Variants in CDH18 observed in about 807,000 individuals in gnomAD.
CDH18 encodes the protein cadherin 18.
CDH18 carries 31 observed loss-of-function variants against 67.9 expected under a neutral mutation model. The ratio of observed to expected loss-of-function variants is 0.46; its 90% CI spans 0.34 to 0.62. CDH18 has a LOEUF of 0.62. Among genes scored for constraint, CDH18 ranks in the 20% least tolerant of loss-of-function variants. The pLI is 0.01. For synonymous variants in CDH18, 362 were observed against 347.2 expected (o/e 1.04, Z -0.48); for missense variants, 890 against 975.5 (o/e 0.91, Z 1.17).
rs575494760 is a variant in CDH18 at position 19,476,171 on chromosome 5, T to C, written c.1883-2455A>G. Among the ~76,000 whole-genome samples the C allele has an allele frequency of 2.0e-5, 3 of 152,026 alleles. No individual in the cohort carries two copies. The South Asian group carries it at 6.2e-4, about 32-fold the overall frequency. Reference sequence around the variant, plus strand: ...ACCAAAAAGACAGGAAAAAAACATCTGTAGAGAAAGTCATAGAACCATCCA... The same window carrying C: ...ACCAAAAAGACAGGAAAAAAACATCCGTAGAGAAAGTCATAGAACCATCCA... On this transcript the variant is annotated intron_variant, in intron 12 of 12. Coordinates refer to ENST00000382275, the MANE Select transcript of CDH18 (RefSeq NM_004934.5).
chr5:20,339,980 G>A (rs1740119482), intron 1 of CDH18, among the ~76,000 whole-genome samples: 1 of 152,134 alleles, frequency 6.6e-6, no homozygotes, highest in Admixed American at 6.6e-5. Context: ...GGGTAGCAGT[G>A]CCCTTGGAGG....
chr5:19,730,903 T>A (rs1467932820), intron 4 of CDH18, among the ~76,000 whole-genome samples: 2 of 152,162 alleles, frequency 1.3e-5, no homozygotes, highest in Non-Finnish European at 2.9e-5. Context: ...TACTATATAT[T>A]TTTTAGGAGA....
chr5:19,514,898 G>C (rs1395132482), intron 10 of CDH18, among the ~76,000 whole-genome samples: 1 of 152,132 alleles, frequency 6.6e-6, no homozygotes, highest in African/African-American at 2.4e-5. Context: ...TGCTTTTGGT[G>C]TTTTAGTCAT....
chr5:19,625,041 GA>G (rs397883821), intron 5 of CDH18, among the ~76,000 whole-genome samples: 8,691 of 135,376 alleles, frequency 0.064, 667 homozygotes, highest in African/African-American at 0.19. Context: ...GCAGATTAGT[GA>G]AAAAAAAAAA....
chr5:19,680,975 T>C (rs1760220902), intron 5 of CDH18, among the ~76,000 whole-genome samples: 1 of 151,986 alleles, frequency 6.6e-6, no homozygotes, highest in African/African-American at 2.4e-5. Context: ...ATGTTCATCA[T>C]AGCACTATTT....
intron 2 of CDH18, among the ~76,000 whole-genome samples, chr5:20,020,967 C>T (rs924668988): frequency 6.6e-6 from 1 of 151,766 alleles, no homozygotes; most frequent in African/African-American, 2.4e-5. Flanking sequence ...AGCCAAGGGA[C>T]TTGAGCCTTG....
In CDH18 at chr5:19,486,138, G is replaced by T. The variant is rs1401842518; in HGVS notation, c.1631-2586C>A. ...AGGCAAGAGCTTCCCACCTAGAAAG[G>T]CTTAGCACAGCAGAATAATGAACTC... On this transcript the variant is annotated intron_variant, in intron 11 of 12. Coordinates refer to ENST00000382275, the MANE Select transcript of CDH18 (RefSeq NM_004934.5). 3.9e-5 allele frequency among the ~76,000 whole-genome samples: 6 copies of T among 151,976 alleles called. No individual in the cohort carries two copies. The East Asian group carries it at 1.2e-3, about 30-fold the overall frequency.
At chr5:20,022,895 G>A (rs1255269651) in intron 2 of CDH18, among the ~76,000 whole-genome samples, 3 of 152,226 alleles carry the variant, frequency 2.0e-5, no homozygotes, top group African/African-American at 7.2e-5. Flanking sequence ...CTACCTTCCT[G>A]CATTTTTATA....
chr5:20,335,215 ACTT>A (rs1033851797), intron 1 of CDH18, among the ~76,000 whole-genome samples: 48 of 151,976 alleles, frequency 3.2e-4, no homozygotes, highest in Admixed American at 8.5e-4. Flanking sequence ...AGCAAGGTGG[ACTT>A]CTTCTTGTTT....
At chr5:20,121,924 C>A (rs1245201280) in intron 2 of CDH18, among the ~76,000 whole-genome samples, 1 of 152,146 alleles carries the variant, frequency 6.6e-6, no homozygotes, top group Non-Finnish European at 1.5e-5. Context: ...ACTATCATGG[C>A]ATAAACTCTA....
intron 2 of CDH18, among the ~76,000 whole-genome samples, chr5:19,897,189 A>G (rs111784706): frequency 2.0e-5 from 3 of 152,278 alleles, no homozygotes; most frequent in African/African-American, 7.2e-5. Flanking sequence ...TACAATTTAT[A>G]TGACAAATTC....
At chr5:20,224,717 T>G (rs1188694947) in intron 2 of CDH18, among the ~76,000 whole-genome samples, 1 of 152,120 alleles carries the variant, frequency 6.6e-6, no homozygotes, top group Non-Finnish European at 1.5e-5. Flanking sequence ...TTTACAGACA[T>G]GACAAGTGCT....
chr5:19,807,863 A>G (rs1288485781), intron 3 of CDH18, among the ~76,000 whole-genome samples: 5 of 151,990 alleles, frequency 3.3e-5, no homozygotes, highest in Non-Finnish European at 7.4e-5. Flanking sequence ...TTGAATATTT[A>G]TTTGTGTGAA....
At chr5:20,260,202 G>C (rs1424949815) in intron 1 of CDH18, among the ~76,000 whole-genome samples, 1 of 151,336 alleles carries the variant, frequency 6.6e-6, no homozygotes, top group Admixed American at 6.6e-5. Flanking sequence ...CAACACTTCT[G>C]AAATGCTGGA....
chr5:19,637,449 C>A (rs1383152998), intron 5 of CDH18, among the ~76,000 whole-genome samples: 1 of 152,102 alleles, frequency 6.6e-6, no homozygotes, highest in African/African-American at 2.4e-5. Context: ...CTAATTGCAC[C>A]TTTTATTTCG....
intron 2 of CDH18, among the ~76,000 whole-genome samples, chr5:19,859,989 G>GTGTGTGTGTGTGT (rs1784707651): frequency 2.8e-5 from 4 of 143,148 alleles, no homozygotes; most frequent in African/African-American, 5.2e-5. Flanking sequence ...GTTTGCTTTG[G>GTGTGTGTGTGTGT]GTGTGTGTGT....
upstream of CDH18, among the ~76,000 whole-genome samples, chr5:19,989,429 T>C (rs1337845271): frequency 2.6e-5 from 4 of 152,190 alleles, no homozygotes; most frequent in Admixed American, 2.6e-4. Flanking sequence ...AAATCACGGC[T>C]GGGACATACC....
intron 9 of CDH18, among the ~76,000 whole-genome samples, chr5:19,536,629 T>C (rs1749462955): frequency 6.6e-6 from 1 of 152,188 alleles, no homozygotes; most frequent in African/African-American, 2.4e-5. Context: ...GAAACAATGT[T>C]TCTTAACCTT....
intron 2 of CDH18, among the ~76,000 whole-genome samples, chr5:19,854,855 A>T (rs1784088905): frequency 6.6e-6 from 1 of 151,362 alleles, no homozygotes; most frequent in Admixed American, 6.6e-5. Flanking sequence ...GTATCCATTA[A>T]CCATTCCCCC....
Sources: gnomAD v4.1 joint callset for allele counts (sites outside exome capture counted in the v4.1 genomes callset) on GRCh38, gnomAD v4.1.1 for gene constraint, MANE v1.5 for transcripts, NCBI Gene and HGNC (gene_info 2026-07-23, HGNC 2026-07-21) for gene names.